ZBTB20: variants seen among roughly 807,000 people sequenced by gnomAD.
The protein encoded by ZBTB20 is zinc finger and BTB domain-containing protein 20.
Under a neutral mutation model 56.9 loss-of-function variants are expected in ZBTB20, and 9 were observed. The observed-to-expected ratio is 0.16, with a 90% CI of 0.10 to 0.28. The LOEUF is 0.28. Among genes scored for constraint, ZBTB20 ranks in the 10% least tolerant of loss-of-function variants. ZBTB20 has a pLI of 1.00. For synonymous variants in ZBTB20, 417 were observed against 420.7 expected, an observed-to-expected ratio of 0.99 and a Z score of 0.11; for missense variants, 655 against 1,003.0, an observed-to-expected ratio of 0.65 and a Z score of 4.69.
intron 10 of ZBTB20, among the ~76,000 whole-genome samples, chr3:114,364,130 A>G (rs2082155811): frequency 6.6e-6 from 1 of 152,098 alleles, no homozygotes; most frequent in Non-Finnish European, 1.5e-5. Flanking sequence ...ATTTCAGTAC[A>G]TAAATTATCA....
rs2080591899 is a variant in ZBTB20 at position 114,350,731 on chromosome 3, G to A, written c.1347C>T (p.Ser449=). 6.2e-7 allele frequency: 1 copy of A among 1,614,102 alleles called. No individual in the cohort carries two copies. ...GTAGGACGCTCTTGTCGGAGCTGTTGCTGACAGTGATAACAGTGCTGTCCA... is the reference window on the plus strand; with the variant it reads ...GTAGGACGCTCTTGTCGGAGCTGTTACTGACAGTGATAACAGTGCTGTCCA... The part of the protein sequence containing the change: ...VEMDSTVITV[S]NSSDKSVLQQ... The change falls in exon 11 of 12, where the codon AGC becomes AGT. Residue 449 remains serine, a synonymous_variant. Transcript: ENST00000675478.
intron 7 of ZBTB20, among the ~76,000 whole-genome samples, chr3:114,398,508 T>C (rs950492327): frequency 2.6e-5 from 4 of 152,122 alleles, no homozygotes; most frequent in African/African-American, 9.7e-5. Flanking sequence ...CTGAAAATGA[T>C]ACCATGTGTG....
intron 4 of ZBTB20, among the ~76,000 whole-genome samples, chr3:114,866,740 A>T (rs2075780356): frequency 6.6e-6 from 1 of 152,090 alleles, no homozygotes; most frequent in Admixed American, 6.6e-5. Context: ...CTTCAGACTC[A>T]AACTGGAAAC....
At chr3:114,685,775 T>G (rs1238435965) in intron 6 of ZBTB20, among the ~76,000 whole-genome samples, 1 of 152,058 alleles carries the variant, frequency 6.6e-6, no homozygotes, top group Non-Finnish European at 1.5e-5. Flanking sequence ...GAGACCAACA[T>G]AAATGCTTTT....
rs561736673 is a variant in ZBTB20, at chr3:114,332,013, G to A, written c.*6992C>T. 1 of 149,710 alleles carries A rather than the reference G, an allele frequency of 6.7e-6. No homozygotes were observed. The highest frequency in any genetic ancestry group is 1.5e-5 in the Non-Finnish European group (1 of 67,664). The allele number at this position is 149,710 out of a possible 1,614,324, so 9.3% of individuals were successfully genotyped here. ...ATATAAATTGCAATGAGTTTGCTGG[G>A]TAAAAACAACTGTTGCAACACTAGT... is the stretch of plus-strand genomic sequence containing the variant. On this transcript the variant is annotated 3_prime_UTR_variant, in exon 12 of 12. Coordinates refer to ENST00000675478, the MANE Select transcript of ZBTB20 (RefSeq NM_001348800.3).
rs925144370 is a variant in ZBTB20 at position 114,388,989 on chromosome 3, G to A, written c.-154+16C>T. 1.3e-5 allele frequency: 2 copies of A among 152,142 alleles called. No individual in the cohort carries two copies. Among genetic ancestry groups the A allele is most frequent in the African/African-American group, 2.4e-5 (1 of 41,424 alleles). The allele number at this position is 152,142 out of a possible 1,614,324, so 9.4% of individuals were successfully genotyped here. A position where few individuals can be genotyped will look rare whatever the true frequency, so the allele number is the denominator to read the frequency against. ...GTGAACTAAGAAGCCTTTTATTGGA[G>A]ACATAATGTACTCACAGTAGTTTCA... On this transcript the variant is annotated intron_variant, in intron 8 of 11. Transcript: ENST00000675478.
At position 114,415,829 on chromosome 3, in the gene ZBTB20, T is replaced by C. The variant is rs185567181; in HGVS notation, c.-254-26724A>G. ...TGGTATCACCATATAGTAGTTGTGC[T>C]ACAAGAACAATCTTACTATTCAGAC... On this transcript the variant is annotated intron_variant, in intron 7 of 11. Transcript: ENST00000675478. Among the ~76,000 whole-genome samples the C allele has an allele frequency of 3.7e-3, 562 of 152,146 alleles. 5 individuals carry two copies. The highest frequency in any genetic ancestry group is 0.012 in the African/African-American group (508 of 41,550).
chr3:114,479,912 T>C lies in ZBTB20; in HGVS notation c.-255+20440A>G, dbSNP rs1048283915. 3.3e-5 allele frequency among the ~76,000 whole-genome samples: 5 copies of C among 152,176 alleles called. No homozygotes were observed. In the East Asian group the frequency reaches 5.8e-4, roughly 18 times the overall value. On this transcript the variant is annotated intron_variant, in intron 7 of 11. Coordinates refer to ENST00000675478, the MANE Select transcript of ZBTB20 (RefSeq NM_001348800.3). ...GAGACAACAATAAAACAAATACCCA[T>C]AGGCTTTTCAAACAGTAACAACCCG...
intron 5 of ZBTB20, among the ~76,000 whole-genome samples, chr3:114,697,707 T>C (rs2063131132): frequency 6.6e-6 from 1 of 151,450 alleles, no homozygotes; most frequent in Non-Finnish European, 1.5e-5. Context: ...CACTATGCCA[T>C]CTAATGAATT....
At chr3:114,668,908 G>A (rs185143258) in intron 6 of ZBTB20, among the ~76,000 whole-genome samples, 1 of 152,170 alleles carries the variant, frequency 6.6e-6, no homozygotes, top group East Asian at 1.9e-4. Context: ...ATTCTCAGTT[G>A]AGAGCTACCA....
At chr3:115,117,991 C>A (rs1158757078) in intron 1 of ZBTB20, among the ~76,000 whole-genome samples, 1 of 152,130 alleles carries the variant, frequency 6.6e-6, no homozygotes, top group Non-Finnish European at 1.5e-5. Flanking sequence ...AAAGAAGCTT[C>A]CACATTCACT....
intron 6 of ZBTB20, among the ~76,000 whole-genome samples, chr3:114,561,003 G>A (rs185089186): frequency 3.2e-4 from 48 of 152,284 alleles, no homozygotes; most frequent in Admixed American, 1.3e-3. Flanking sequence ...TTCAAAAAAT[G>A]TTCACAGAAT....
rs11362876 is a variant in ZBTB20, at chr3:114,862,405, G to GT, written c.-417+37898dup. ...TAAGAACATACCTAAAATGGCATCT[G>GT]TTTTTTTTTTTTTAACCTAGTGCTT... is the stretch of plus-strand genomic sequence containing the variant. On this transcript the variant is annotated intron_variant, in intron 4 of 11. Transcript: ENST00000675478. 7.4e-3 allele frequency among the ~76,000 whole-genome samples: 1,085 copies of GT among 146,384 alleles called. 4 individuals carry two copies. Among genetic ancestry groups the GT allele is most frequent in the African/African-American group, 0.014 (539 of 39,358 alleles).
chr3:115,123,020 G>A (rs893188548), intron 1 of ZBTB20, among the ~76,000 whole-genome samples: 3 of 152,050 alleles, frequency 2.0e-5, no homozygotes, highest in Non-Finnish European at 4.4e-5. Flanking sequence ...TTTCATAAAG[G>A]TCTAATTATT....
At chr3:114,678,168 A>AT (rs952655072) in intron 6 of ZBTB20, among the ~76,000 whole-genome samples, 45 of 152,254 alleles carry the variant, frequency 3.0e-4, no homozygotes, top group African/African-American at 9.6e-4. Context: ...GCAGAATTTG[A>AT]TTTTTTTCCT....
chr3:114,977,006 C>T (rs906643139), intron 2 of ZBTB20, among the ~76,000 whole-genome samples: 1 of 151,084 alleles, frequency 6.6e-6, no homozygotes, highest in Non-Finnish European at 1.5e-5. Context: ...TTCACCTTTC[C>T]TAAATTAAAA....
At chr3:114,894,994 A>G (rs563401484) in intron 4 of ZBTB20, among the ~76,000 whole-genome samples, 1 of 152,244 alleles carries the variant, frequency 6.6e-6, no homozygotes, top group Non-Finnish European at 1.5e-5. Context: ...CATTATTTTA[A>G]AAGAATCCTT....
rs1456931685 is a variant in ZBTB20, at chr3:115,013,561, G to A, written c.-506-39145C>T. On this transcript the variant is annotated intron_variant, in intron 2 of 11. Coordinates refer to ENST00000675478, the MANE Select transcript of ZBTB20 (RefSeq NM_001348800.3). ...ATAGGAAGTCTCTTAGCAAATAAAA[G>A]CCCACTACCTGATGGCTTCCCTGCT... is the stretch of plus-strand genomic sequence containing the variant. Among the ~76,000 whole-genome samples the A allele has an allele frequency of 3.3e-5, 5 of 151,678 alleles. No individual in the cohort carries two copies. In the East Asian group the frequency reaches 9.7e-4, roughly 30 times the overall value.
At position 114,661,994 on chromosome 3, in the gene ZBTB20, A is replaced by G. The variant is rs373837210; in HGVS notation, c.-295+31534T>C. Among the ~76,000 whole-genome samples, 269 of 150,960 alleles carry G rather than the reference A, an allele frequency of 1.8e-3. 4 individuals are homozygous for G. Among genetic ancestry groups the G allele is most frequent in the East Asian group, 0.011 (57 of 5,066 alleles). Reference sequence around the variant, plus strand: ...ATGTATACATGTGCCATGCTGGTGCACTGCACCCACTAACTCGTCATCTAG... The same window carrying G: ...ATGTATACATGTGCCATGCTGGTGCGCTGCACCCACTAACTCGTCATCTAG... On this transcript the variant is annotated intron_variant, in intron 6 of 11. Transcript: ENST00000675478.
Sources: allele counts gnomAD v4.1 joint callset (sites outside exome capture counted in the v4.1 genomes callset), GRCh38; gene constraint gnomAD v4.1.1; transcripts MANE v1.5; gene names NCBI Gene and HGNC (gene_info 2026-07-23, HGNC 2026-07-21).